ZNF493: variants seen among roughly 807,000 people sequenced by gnomAD.
ZNF493 encodes zinc finger protein 493.
ZNF493 carries 11 observed loss-of-function variants against 12.2 expected under a neutral mutation model. The ratio of observed to expected loss-of-function variants is 0.90; its 90% CI spans 0.57 to 1.50. The LOEUF is 1.50. ZNF493 is among the 40% of genes most tolerant of loss of function. ZNF493 has a pLI of 0.00. For synonymous variants in ZNF493, 286 were observed against 302.6 expected (o/e 0.95, Z 0.57); for missense variants, 950 against 906.6 (o/e 1.05, Z -0.61).
At chr19:21,412,971 C>G (rs947371222) in intron 3 of ZNF493, 1 of 400,782 alleles carries the variant, frequency 2.5e-6, no homozygotes, top group African/African-American at 2.1e-5. Flanking sequence ...TAATAGAACT[C>G]TTGCCATACT....
chr19:21,423,933 G>T lies in ZNF493; in HGVS notation c.1274G>T (p.Arg425Ile), dbSNP rs555614387. Residue 425 changes from arginine to isoleucine, a missense_variant, in exon 4 of 4, where the codon AGA (arginine) becomes ATA (isoleucine). Physicochemically the swap from Arg to Ile is moderately conservative, Grantham distance 97. Transcript: ENST00000392288. ...TCTTCACACCTTACTACACATAAAA[G>T]AATTCATACTGGAGAGAAACCCTAC... Reference protein sequence around the residue: ...KESSHLTTHKRIHTGEKPYKC... With the variant: ...KESSHLTTHKIIHTGEKPYKC... 1.4e-5 allele frequency: 23 copies of T among 1,612,454 alleles called. No individual in the cohort carries two copies. The highest frequency in any genetic ancestry group is 5.4e-5 in the African/African-American group (4 of 74,742).
chr19:21,420,331 G>A (rs770556784), intron 3 of ZNF493, among the ~76,000 whole-genome samples: 19 of 150,662 alleles, frequency 1.3e-4, no homozygotes, highest in Non-Finnish European at 1.9e-4. Context: ...ATTTTGTTTT[G>A]TGTATCTATA....
chr19:21,413,354 A>G, intron 3 of ZNF493: 1 of 401,094 alleles, frequency 2.5e-6, no homozygotes, highest in East Asian at 3.6e-5. Flanking sequence ...CAATAAGTAT[A>G]ATTGTTCTCT....
At position 21,408,659 on chromosome 19, in the gene ZNF493, G is replaced by A; in HGVS notation, c.253+2803G>A. Reference sequence around the variant, plus strand: ...CTTCCTGTGCAGTTTCATATTAGTGGTGTTTTCAGTGTAGGTATCTTAATA... The same window carrying A: ...CTTCCTGTGCAGTTTCATATTAGTGATGTTTTCAGTGTAGGTATCTTAATA... On this transcript the variant is annotated intron_variant, in intron 3 of 3. Transcript: ENST00000392288. 3.0e-6 allele frequency: 3 copies of A among 985,062 alleles called. No homozygotes were observed. The African/African-American group carries it at 5.2e-5, about 17-fold the overall frequency. The allele number at this position is 985,062 out of a possible 1,614,324, so 61.0% of individuals were successfully genotyped here. A position where few individuals can be genotyped will look rare whatever the true frequency, so the allele number is the denominator to read the frequency against.
chr19:21,413,798 G>A (rs2030399722), intron 3 of ZNF493: 1 of 230,708 alleles, frequency 4.3e-6, no homozygotes, highest in Admixed American at 5.7e-5. Context: ...CTTTGCAGCT[G>A]GTTTCTGTAC....
chr19:21,412,222 G>A (rs987968813), intron 3 of ZNF493: 1 of 152,186 alleles, frequency 6.6e-6, no homozygotes, highest in Non-Finnish European at 1.5e-5. Flanking sequence ...TTAACTAAAA[G>A]TATCCCTTAT....
rs2030868982 is a variant in ZNF493, at chr19:21,426,852, T to C, written c.*1868T>C. 6.0e-6 allele frequency: 1 copy of C among 167,052 alleles called. No individual in the cohort carries two copies. The highest frequency in any genetic ancestry group is 1.5e-5 in the Non-Finnish European group (1 of 68,084). The allele number at this position is 167,052 out of a possible 1,614,324, so 10.3% of individuals were successfully genotyped here. ...TTCTACTAAATGAGAGTTCTGAGTA[T>C]AGAAAATAAAACTAAAGTTGGTAGA... On this transcript the variant is annotated 3_prime_UTR_variant, in exon 4 of 4. Coordinates refer to ENST00000392288, the MANE Select transcript of ZNF493 (RefSeq NM_001076678.3).
chr19:21,405,448 A>G (rs2030090770), intron 2 of ZNF493, 193 bp downstream of exon 2: 3 of 1,401,586 alleles, frequency 2.1e-6, no homozygotes, highest in African/African-American at 1.5e-5. Flanking sequence ...ATCTTTTTAC[A>G]TTTCTGAGCC....
intron 3 of ZNF493, among the ~76,000 whole-genome samples, chr19:21,406,625 G>T (rs749554916): frequency 6.6e-6 from 1 of 152,026 alleles, no homozygotes; most frequent in Non-Finnish European, 1.5e-5. Flanking sequence ...GAGGGTAGTG[G>T]TCTCTGTTCT....
chr19:21,418,090 G>A (rs1316282325), intron 3 of ZNF493, among the ~76,000 whole-genome samples: 1 of 152,164 alleles, frequency 6.6e-6, no homozygotes, highest in Non-Finnish European at 1.5e-5. Flanking sequence ...ATGGAACTAA[G>A]AGCAGTTGCT....
At chr19:21,400,809 C>G (rs1030228800) in intron 1 of ZNF493, among the ~76,000 whole-genome samples, 30 of 152,284 alleles carry the variant, frequency 2.0e-4, no homozygotes, top group African/African-American at 7.0e-4. Context: ...GATTTAGTAT[C>G]CTGAAACTTT....
intron 3 of ZNF493, chr19:21,408,497 T>C (rs2030211549): frequency 1.0e-6 from 1 of 983,744 alleles, no homozygotes; most frequent in Admixed American, 6.2e-5. Context: ...ATACTGCATA[T>C]TCTCTGAAAT....
At chr19:21,415,309 G>A (rs1334157273) in intron 3 of ZNF493, among the ~76,000 whole-genome samples, 1 of 152,162 alleles carries the variant, frequency 6.6e-6, no homozygotes, top group Non-Finnish European at 1.5e-5. Context: ...AGTGAGACTA[G>A]GATTTCCTCT....
In ZNF493 at chr19:21,423,814, CT is replaced by C; in HGVS notation, c.1158del (p.Phe386LeufsTer12). ...ACAAATGTGAAGAATGTGGCAAAGCCTTTAGTATTTTCTCAACCCTTACTAA... is the reference window on the plus strand; with the variant it reads ...ACAAATGTGAAGAATGTGGCAAAGCCTTAGTATTTTCTCAACCCTTACTAA... ...PYKCEECGKA[F>X]SIFSTLTKHK... On this transcript the variant is annotated frameshift_variant, in exon 4 of 4. Coordinates refer to ENST00000392288, the MANE Select transcript of ZNF493 (RefSeq NM_001076678.3). LOFTEE classifies it low-confidence loss of function (END_TRUNC). 1 of 1,606,218 alleles carries C rather than the reference CT, an allele frequency of 6.2e-7. No homozygotes were observed. The highest frequency in any genetic ancestry group is 8.5e-7 in the Non-Finnish European group (1 of 1,176,966).
In ZNF493 at chr19:21,415,996, C is replaced by G. The variant is rs527418497; in HGVS notation, c.254-6917C>G. 2.6e-5 allele frequency among the ~76,000 whole-genome samples: 4 copies of G among 152,268 alleles called. No individual in the cohort carries two copies. The East Asian group carries it at 7.7e-4, about 29-fold the overall frequency. On this transcript the variant is annotated intron_variant, in intron 3 of 3. Transcript: ENST00000392288. ...CCTGATTTTTTCTTAATTATGAAAA[C>G]TGGAGAATTCCAAGAGGAAAATGTT...
At chr19:21,407,005 C>T (rs760942628) in intron 3 of ZNF493, among the ~76,000 whole-genome samples, 12 of 151,624 alleles carry the variant, frequency 7.9e-5, no homozygotes, top group Non-Finnish European at 1.3e-4. Context: ...TTTTTTGCCT[C>T]GGGTTAAATT....
At position 21,425,617 on chromosome 19, in the gene ZNF493, A is replaced by C; in HGVS notation, c.*633A>C. 2.5e-6 allele frequency: 2 copies of C among 787,564 alleles called. No homozygotes were observed. Among genetic ancestry groups the C allele is most frequent in the South Asian group, 2.7e-5 (2 of 73,984 alleles). The allele number at this position is 787,564 out of a possible 1,614,324, so 48.8% of individuals were successfully genotyped here. On this transcript the variant is annotated 3_prime_UTR_variant, in exon 4 of 4. Coordinates refer to ENST00000392288, the MANE Select transcript of ZNF493 (RefSeq NM_001076678.3). ...GGAGAGAAGCCCTACAAATGTGAAA[A>C]ATGTGGCAAACCTTTTAACCAATCC...
intron 3 of ZNF493, chr19:21,413,419 G>C: frequency 4.9e-6 from 2 of 406,918 alleles, no homozygotes; most frequent in Non-Finnish European, 8.6e-6. Flanking sequence ...TGCTATCATA[G>C]CTACCATTAA....
At chr19:21,405,051 G>A (rs1168970150) in intron 1 of ZNF493, 78 bp from the exon 2 acceptor site, 4 of 1,530,618 alleles carry the variant, frequency 2.6e-6, no homozygotes, top group Non-Finnish European at 3.5e-6. Flanking sequence ...TTTCTCATTT[G>A]ACCTTAATTC....
Sources: gnomAD v4.1 joint callset for allele counts (sites outside exome capture counted in the v4.1 genomes callset) on GRCh38, gnomAD v4.1.1 for gene constraint, MANE v1.5 for transcripts, NCBI Gene and HGNC (gene_info 2026-07-23, HGNC 2026-07-21) for gene names.